NAV3: variants seen among roughly 807,000 people sequenced by gnomAD.
NAV3 encodes the protein pore membrane and/or filament interacting like protein 1.
A neutral mutation model predicts 244.7 loss-of-function variants in NAV3; 87 were observed. That is an observed-to-expected ratio of 0.36 (90% CI 0.30 to 0.42). The LOEUF (loss-of-function observed/expected upper bound fraction) is 0.42, where lower values mean the gene tolerates loss of function less well. NAV3 is among the 20% of genes least tolerant of loss of function. The pLI, the probability that NAV3 is intolerant of heterozygous loss-of-function variation, is 1.00. For missense variants in NAV3, 2,663 were observed against 2,893.3 expected (o/e 0.92, Z 1.83); for synonymous variants, 1,126 against 1,042.2 (o/e 1.08, Z -1.55).
At chr12:77,813,989 T>C (rs1286029613) in intron 2 of NAV3, among the ~76,000 whole-genome samples, 2 of 152,306 alleles carry the variant, frequency 1.3e-5, no homozygotes, top group East Asian at 1.9e-4. Context: ...CATGTCATCA[T>C]TAGTAGCAGC....
chr12:77,694,602 T>G (rs1875206682), intron 2 of NAV3, among the ~76,000 whole-genome samples: 1 of 152,186 alleles, frequency 6.6e-6, no homozygotes, highest in African/African-American at 2.4e-5. Flanking sequence ...CAATCTACAC[T>G]TAACATGACT....
In NAV3 at chr12:77,658,257, A is replaced by C. The variant is rs1227076295; in HGVS notation, c.72+85991A>C. Among the ~76,000 whole-genome samples, 49 of 152,154 alleles carry C rather than the reference A, an allele frequency of 3.2e-4. 1 individual carries two copies. Among genetic ancestry groups the C allele is most frequent in the African/African-American group, 1.1e-3 (45 of 41,490 alleles). On this transcript the variant is annotated intron_variant, in intron 2 of 8. Coordinates refer to the NAV3 transcript ENST00000550042. ...CTTAAGCTGATAAGCAACTTCAGCA[A>C]AGTCTCAGGATACAAACTCAATGTA...
chr12:78,133,469 C>T (rs1956248036), intron 18 of NAV3, among the ~76,000 whole-genome samples: 1 of 151,042 alleles, frequency 6.6e-6, no homozygotes, highest in Non-Finnish European at 1.5e-5. Context: ...TTTGATTTGA[C>T]CATTATCTTT....
intron 2 of NAV3, among the ~76,000 whole-genome samples, chr12:77,789,846 A>G (rs1299943129): frequency 7.8e-6 from 1 of 128,376 alleles, no homozygotes; most frequent in Non-Finnish European, 1.7e-5. Context: ...AGAGAACAAG[A>G]GAAAAGAAAA....
chr12:77,730,451 G>A lies in NAV3; in HGVS notation c.72+158185G>A, dbSNP rs117254412. On this transcript the variant is annotated intron_variant, in intron 2 of 8. Transcript: ENST00000550042. ...TAAAAGTGAGAAAAAGTTAGAAACA[G>A]CTAAAAAGAAAACAAAGGAGAATCA... 1.1e-3 allele frequency among the ~76,000 whole-genome samples: 171 copies of A among 151,886 alleles called. 3 individuals carry two copies. In the East Asian group the frequency reaches 0.032, roughly 29 times the overall value.
intron 5 of NAV3, among the ~76,000 whole-genome samples, chr12:77,983,507 T>C (rs928547742): frequency 7.9e-5 from 12 of 152,006 alleles, no homozygotes; most frequent in Admixed American, 2.6e-4. Context: ...CCTTCGTAGG[T>C]TTAAGATTTT....
At chr12:77,760,904 A>T (rs1869428239) in intron 2 of NAV3, among the ~76,000 whole-genome samples, 1 of 152,208 alleles carries the variant, frequency 6.6e-6, no homozygotes, top group African/African-American at 2.4e-5. Context: ...AGAAAATAAA[A>T]TTAATGTGAA....
chr12:78,157,898 C>CA (rs1446181810), intron 22 of NAV3, among the ~76,000 whole-genome samples: 5 of 152,068 alleles, frequency 3.3e-5, no homozygotes, highest in Admixed American at 1.3e-4. Flanking sequence ...GTATTCCCTA[C>CA]AAATTGTTTT....
chr12:77,601,724 A>T (rs1162210446), intron 2 of NAV3, among the ~76,000 whole-genome samples: 2 of 152,006 alleles, frequency 1.3e-5, no homozygotes, highest in East Asian at 3.9e-4. Flanking sequence ...ATAGAAGATT[A>T]TACCTTAGGC....
intron 1 of NAV3, among the ~76,000 whole-genome samples, chr12:77,879,604 C>T (rs959013245): frequency 4.8e-5 from 6 of 126,312 alleles, no homozygotes; most frequent in Non-Finnish European, 6.4e-5. Context: ...GAACCTGGGG[C>T]GGGGAGGTGG....
intron 11 of NAV3, among the ~76,000 whole-genome samples, chr12:78,055,097 C>T (rs1883290030): frequency 6.6e-6 from 1 of 152,172 alleles, no homozygotes; most frequent in Admixed American, 6.5e-5. Flanking sequence ...TGTCAAGCAA[C>T]ATTCCAGGCA....
Position 78,113,698 on chromosome 12 carries a change from T to C in NAV3, c.2637-3074T>C, listed in dbSNP as rs183254357. Among the ~76,000 whole-genome samples, 128 of 152,300 alleles carry C rather than the reference T, an allele frequency of 8.4e-4. 1 individual carries two copies. The East Asian group carries it at 0.021, about 25-fold the overall frequency. ...CTTCTGGGCCTGCGATGAGTAGGGT[T>C]GCCACAAAACTGTCTGACATGCCTT... On this transcript the variant is annotated intron_variant, in intron 12 of 39. Transcript: ENST00000397909.
intron 2 of NAV3, among the ~76,000 whole-genome samples, chr12:77,618,833 A>G (rs182144559): frequency 6.6e-6 from 1 of 152,330 alleles, no homozygotes; most frequent in Admixed American, 6.5e-5. Context: ...TCTACAAATT[A>G]AGAATTAAAA....
intron 2 of NAV3, among the ~76,000 whole-genome samples, chr12:77,591,031 A>G (rs1869881588): frequency 6.6e-6 from 1 of 152,182 alleles, no homozygotes; most frequent in African/African-American, 2.4e-5. Context: ...CAGACAGACA[A>G]CTCGTCTTCT....
intron 2 of NAV3, among the ~76,000 whole-genome samples, chr12:77,645,335 C>T (rs920316984): frequency 2.0e-5 from 3 of 151,430 alleles, no homozygotes; most frequent in African/African-American, 7.3e-5. Context: ...GTCCAAATAA[C>T]TTTAACTCTG....
At chr12:77,909,928 T>A (rs1299644202) in intron 1 of NAV3, among the ~76,000 whole-genome samples, 1 of 152,108 alleles carries the variant, frequency 6.6e-6, no homozygotes, top group Non-Finnish European at 1.5e-5. Flanking sequence ...TATGTCATTA[T>A]ATATATGCAA....
intron 1 of NAV3, among the ~76,000 whole-genome samples, chr12:77,921,711 T>C (rs549560843): frequency 5.1e-4 from 77 of 152,132 alleles, no homozygotes; most frequent in Non-Finnish European, 9.6e-4. Context: ...TACAAGGCAG[T>C]ACTTGGCCAA....
At chr12:77,952,173 G>A (rs959491034) in intron 3 of NAV3, among the ~76,000 whole-genome samples, 1 of 151,604 alleles carries the variant, frequency 6.6e-6, no homozygotes, top group Non-Finnish European at 1.5e-5. Flanking sequence ...CTGCTAGTCT[G>A]TGGTTTGTCT....
chr12:77,758,498 CTTT>C (rs1243765153), intron 2 of NAV3, among the ~76,000 whole-genome samples: 1 of 152,148 alleles, frequency 6.6e-6, no homozygotes, highest in Non-Finnish European at 1.5e-5. Flanking sequence ...CCCATATCTT[CTTT>C]TTATCACTGC....
Sources: gnomAD v4.1 joint callset for allele counts (sites outside exome capture counted in the v4.1 genomes callset) on GRCh38, gnomAD v4.1.1 for gene constraint, MANE v1.5 for transcripts, NCBI Gene and HGNC (gene_info 2026-07-23, HGNC 2026-07-21) for gene names.